The following DEPDC4 variants were observed in gnomAD, a reference collection of about 807,000 sequenced individuals.
The protein encoded by DEPDC4 is DEP domain-containing protein 4.
In DEPDC4, 52 loss-of-function variants were observed where a neutral mutation model predicts 52.0. The ratio of observed to expected loss-of-function variants is 1.00; its 90% CI spans 0.80 to 1.26. DEPDC4 has a LOEUF of 1.26. Among genes scored for constraint, DEPDC4 ranks in the 50% most tolerant of loss-of-function variants. The pLI is 0.00. For synonymous variants in DEPDC4, 201 were observed against 196.8 expected, an observed-to-expected ratio of 1.02 and a Z score of -0.18; for missense variants, 530 against 546.9, an observed-to-expected ratio of 0.97 and a Z score of 0.31.
At chr12:100,246,307 C>T (rs1350101708) in intron 8 of DEPDC4, among the ~76,000 whole-genome samples, 1 of 152,110 alleles carries the variant, frequency 6.6e-6, no homozygotes, top group Non-Finnish European at 1.5e-5. Flanking sequence ...GTCAGGTAAT[C>T]CTCCTCCAAG....
rs780206407 is a variant in DEPDC4, at chr12:100,263,646, T to G, written c.405A>C (p.Pro135=). The G allele has an allele frequency of 6.2e-7, 1 of 1,614,132 alleles. No homozygotes were observed. Among genetic ancestry groups the G allele is most frequent in the East Asian group, 2.2e-5 (1 of 44,866 alleles). The stretch of plus-strand genomic sequence containing the variant: ...TTTTGAAAAGCTTCTTCATTCCTAC[T>G]GGTTCAAATACTTTGTGATTCATTA... ...QVLMNHKVFE[P]VGMKKLFKKE... is the part of the protein sequence containing the mutation. The change falls in exon 2 of 10, where the codon CCA becomes CCC. Residue 135 remains proline, a synonymous_variant. Transcript: ENST00000550587.
intron 3 of DEPDC4, among the ~76,000 whole-genome samples, chr12:100,260,125 AT>A (rs35598451): frequency 0.031 from 4,557 of 147,340 alleles, 164 homozygotes; most frequent in African/African-American, 0.092. Context: ...TACCTATAGA[AT>A]TTTTTTTTTT....
chr12:100,259,151 G>A (rs1258605185), intron 3 of DEPDC4, among the ~76,000 whole-genome samples: 1 of 151,734 alleles, frequency 6.6e-6, no homozygotes, highest in African/African-American at 2.4e-5. Flanking sequence ...AAAATCAGCA[G>A]TAAACAAGAA....
intron 4 of DEPDC4, chr12:100,255,829 C>T (rs1273536268): frequency 3.1e-6 from 1 of 323,610 alleles, no homozygotes; most frequent in African/African-American, 2.1e-5. Context: ...GATTGACATA[C>T]AAATGAATTC....
chr12:100,259,743 A>G (rs1045432662), intron 3 of DEPDC4, among the ~76,000 whole-genome samples: 3 of 152,176 alleles, frequency 2.0e-5, no homozygotes, highest in Admixed American at 1.3e-4. Flanking sequence ...ATAAAGTAAC[A>G]ATATAAGCAT....
chr12:100,266,772 C>CA (rs2073311143), intron 1 of DEPDC4, 148 bp downstream of exon 1: 1 of 1,109,490 alleles, frequency 9.0e-7, no homozygotes, highest in South Asian at 1.7e-5. Flanking sequence ...CTGGGTCCCC[C>CA]AGTCCAGTGC....
intron 3 of DEPDC4, among the ~76,000 whole-genome samples, chr12:100,257,148 G>T (rs564625972): frequency 6.6e-6 from 1 of 151,710 alleles, no homozygotes; most frequent in South Asian, 2.1e-4. Context: ...GTGCAATCTC[G>T]GCTCACTGCA....
intron 1 of DEPDC4, 26 bp from the exon 2 acceptor site, chr12:100,263,919 T>C: frequency 6.3e-7 from 1 of 1,576,028 alleles, no homozygotes; most frequent in South Asian, 1.2e-5. Context: ...TATGCATTTC[T>C]AACAAATCTA....
chr12:100,266,062 TTTTAATTAAAATTAAA>T (rs560793414), intron 1 of DEPDC4, among the ~76,000 whole-genome samples: 4 of 151,966 alleles, frequency 2.6e-5, no homozygotes, highest in Non-Finnish European at 2.9e-5. Flanking sequence ...CCCAGTAAAA[TTTTAATTAAAATTAAA>T]TTTAATTAAA....
chr12:100,244,102 T>TATATATAC (rs1264617509), intron 8 of DEPDC4, among the ~76,000 whole-genome samples: 18 of 59,748 alleles, frequency 3.0e-4, no homozygotes, highest in African/African-American at 1.9e-3. Flanking sequence ...TGTGTATATA[T>TATATATAC]ATATATATAT....
chr12:100,279,762 T>A, the DEPDC4 span, among the ~76,000 whole-genome samples: 3 of 152,230 alleles, frequency 2.0e-5, no homozygotes, highest in Admixed American at 2.0e-4. Flanking sequence ...TGATGAGATA[T>A]CAAATGATTT....
At chr12:100,276,003 C>T in the DEPDC4 span, among the ~76,000 whole-genome samples, 1 of 152,190 alleles carries the variant, frequency 6.6e-6, no homozygotes, top group African/African-American at 2.4e-5. Context: ...ATTAACATTG[C>T]ATTCCTGAAG....
In DEPDC4 at chr12:100,240,247, T is replaced by C. The variant is rs2096153058; in HGVS notation, c.*1645A>G. On this transcript the variant is annotated 3_prime_UTR_variant, in exon 10 of 10. Transcript: ENST00000550587. ...ATAGCTCACTGCAGCCTAAAACTCC[T>C]GGGCTCAAGAGATCCTCCCACCTCA... 1.3e-5 allele frequency among the ~76,000 whole-genome samples: 2 copies of C among 152,174 alleles called. No homozygotes were observed.
At chr12:100,245,917 A>G (rs550371686) in intron 8 of DEPDC4, among the ~76,000 whole-genome samples, 2 of 152,212 alleles carry the variant, frequency 1.3e-5, no homozygotes, top group East Asian at 3.9e-4. Context: ...AATTTCTGCT[A>G]TCTCCTTGGC....
intron 9 of DEPDC4, among the ~76,000 whole-genome samples, chr12:100,233,131 A>G (rs2153902668): frequency 6.6e-6 from 1 of 152,296 alleles, no homozygotes; most frequent in Non-Finnish European, 1.5e-5. Context: ...AGGTGGGTCT[A>G]ATTTTGAAGT....
intron 5 of DEPDC4, 110 bp from the exon 6 acceptor site, chr12:100,252,646 G>A: frequency 9.3e-7 from 1 of 1,076,708 alleles, no homozygotes; most frequent in African/African-American, 1.6e-5. Flanking sequence ...TAGTTTGCAG[G>A]TTCTTTTCTA....
upstream of DEPDC4, chr12:100,267,365 C>T: frequency 3.2e-6 from 1 of 309,524 alleles, no homozygotes. Flanking sequence ...GGGAAAGAGC[C>T]CCAGCACCGC....
At chr12:100,281,902 G>A in the DEPDC4 span, among the ~76,000 whole-genome samples, 4 of 151,982 alleles carry the variant, frequency 2.6e-5, no homozygotes, top group Admixed American at 1.3e-4. Flanking sequence ...CATCTTTTAA[G>A]TTGTATATTG....
At chr12:100,270,056 G>A (rs1465377567), upstream of DEPDC4, among the ~76,000 whole-genome samples, 1 of 150,758 alleles carries the variant, frequency 6.6e-6, no homozygotes, top group East Asian at 2.0e-4. Context: ...GCGCGATCTC[G>A]GCTCACTGCA....
Sources: allele counts gnomAD v4.1 joint callset (sites outside exome capture counted in the v4.1 genomes callset), GRCh38; gene constraint gnomAD v4.1.1; transcripts MANE v1.5; gene names NCBI Gene and HGNC (gene_info 2026-07-23, HGNC 2026-07-21).